Variants in FCHO1 observed in about 807,000 individuals in gnomAD.
The protein encoded by FCHO1 is FCH and mu domain containing endocytic adaptor 1, also known as F-BAR domain only protein 1.
A neutral mutation model predicts 114.4 loss-of-function variants in FCHO1; 45 were observed. The observed-to-expected ratio is 0.39, with a 90% CI of 0.31 to 0.50. FCHO1 has a LOEUF of 0.50. FCHO1 is among the 20% of genes least tolerant of loss of function. The pLI is 0.77. For missense variants in FCHO1, 1,042 were observed against 1,209.6 expected (o/e 0.86, Z 2.06); for synonymous variants, 480 against 488.9 (o/e 0.98, Z 0.24).
rs1299136121 is a variant in FCHO1, at chr19:17,774,241, C to T, written c.793C>T (p.Pro265Ser). The change falls in exon 12 of 29, where the codon CCT becomes TCT. Residue 265 changes from proline (P) to serine (S), a missense_variant and splice_region_variant. Around this residue, in one of 3 missense-constraint regions of FCHO1, gnomAD observed 450 missense variants for 564.1 expected, o/e 0.80. Transcript: ENST00000596536. ...TGAGTTTCCGTCTCCTGTCTCAGGA[C>T]CTCTGGACTTCGAGGCATACAGTGC... is the stretch of plus-strand genomic sequence containing the variant. ...SKGTGREKPGPLDFEAYSAAA... is the reference protein window; with the variant it reads ...SKGTGREKPGSLDFEAYSAAA... The T allele has an allele frequency of 5.0e-6, 8 of 1,613,942 alleles. No homozygotes were observed. The highest frequency in any genetic ancestry group is 2.2e-5 in the East Asian group (1 of 44,878).
chr19:17,758,357 G>T (rs2084629620), intron 4 of FCHO1, among the ~76,000 whole-genome samples: 1 of 152,198 alleles, frequency 6.6e-6, no homozygotes, highest in African/African-American at 2.4e-5. Context: ...ATGGGTGGAA[G>T]GAGATGCAAG....
At position 17,776,609 on chromosome 19, in the gene FCHO1, G is replaced by C; in HGVS notation, c.1208-26G>C. 6.2e-7 allele frequency: 1 copy of C among 1,613,610 alleles called. No individual in the cohort carries two copies. Among genetic ancestry groups the C allele is most frequent in the Non-Finnish European group, 8.5e-7 (1 of 1,179,654 alleles). ...AGCATTGCAGGCAGGGTGACAAGAAGGCTGAAGGAGGTGCATCTCTTGTAG... is the reference window on the plus strand; with the variant it reads ...AGCATTGCAGGCAGGGTGACAAGAACGCTGAAGGAGGTGCATCTCTTGTAG... On this transcript the variant is annotated intron_variant, in intron 17 of 28. Transcript: ENST00000596536. The surrounding 1 kb of genome is among the most constrained non-coding windows in gnomAD (Gnocchi z 4.4).
In FCHO1 at chr19:17,778,601, TC is replaced by T. The variant is rs2092959676; in HGVS notation, c.1352-4del. On this transcript the variant is annotated splice_region_variant and splice_polypyrimidine_tract_variant and intron_variant, in intron 19 of 28. Transcript: ENST00000596536. ...GGTCGGAGCTGACCGCCCGCTTCCC[TC>T]CCCAAGGCTCTAGCAGCCTGGGCTT... is the stretch of plus-strand genomic sequence containing the variant. 1.3e-6 allele frequency: 2 copies of T among 1,536,018 alleles called. No individual in the cohort carries two copies. Among genetic ancestry groups the T allele is most frequent in the South Asian group, 1.2e-5 (1 of 83,030 alleles).
intron 8 of FCHO1, 30 bp from the exon 9 acceptor site, chr19:17,770,762 C>T (rs2091271245): frequency 1.2e-6 from 2 of 1,611,098 alleles, no homozygotes; most frequent in African/African-American, 1.3e-5. Context: ...TATCGCCCTC[C>T]CATCCCCGTT....
upstream of FCHO1, among the ~76,000 whole-genome samples, chr19:17,748,310 GGA>G (rs1350765853): frequency 6.6e-6 from 1 of 152,162 alleles, no homozygotes; most frequent in Non-Finnish European, 1.5e-5. Flanking sequence ...GGTGGCTGGA[GGA>G]GCTGGGGTGT....
intron 7 of FCHO1, 115 bp downstream of exon 7, chr19:17,766,925 G>A (rs1025385155): frequency 3.5e-6 from 4 of 1,139,016 alleles, no homozygotes; most frequent in African/African-American, 1.6e-5. Flanking sequence ...CGAGAATTCC[G>A]TTAATTCCAC....
At chr19:17,761,063 A>C (rs535649601) in intron 4 of FCHO1, among the ~76,000 whole-genome samples, 1 of 152,188 alleles carries the variant, frequency 6.6e-6, no homozygotes, top group Non-Finnish European at 1.5e-5. Flanking sequence ...AAATTGGAGT[A>C]AAGAGATTTT....
rs2146942650 is a variant in FCHO1 at position 17,770,513 on chromosome 19, T to A, written c.425T>A (p.Leu142Gln). 1 of 1,613,940 alleles carries A rather than the reference T, an allele frequency of 6.2e-7. No individual in the cohort carries two copies. The highest frequency in any genetic ancestry group is 2.2e-5 in the East Asian group (1 of 44,888). Residue 142 changes from leucine to glutamine, a missense_variant, in exon 8 of 29, where the codon CTG (leucine) becomes CAG (glutamine). Coordinates refer to ENST00000596536, the MANE Select transcript of FCHO1 (RefSeq NM_015122.3). ...CTGCCCAAGTCCCGCGAGAACTACC[T>A]GAACCGTTGCATGGACCAGGAGCGG... The part of the protein sequence containing the change: ...QLLPKSRENY[L>Q]NRCMDQERLR...
upstream of FCHO1, among the ~76,000 whole-genome samples, chr19:17,749,075 C>T (rs1431760013): frequency 2.6e-5 from 4 of 152,114 alleles, no homozygotes; most frequent in African/African-American, 7.2e-5. Context: ...GGCATCGCCA[C>T]CCTGGTCTCA....
At chr19:17,751,130 G>A (rs575679110), upstream of FCHO1, among the ~76,000 whole-genome samples, 8 of 152,266 alleles carry the variant, frequency 5.3e-5, no homozygotes, top group South Asian at 4.1e-4. The surrounding 1 kb of genome is among the most constrained non-coding windows in gnomAD (Gnocchi z 4.4). Flanking sequence ...GTGAGCCACC[G>A]CGCCTGGCCA....
At chr19:17,756,673 C>T (rs553469770) in intron 4 of FCHO1, among the ~76,000 whole-genome samples, 18 of 152,314 alleles carry the variant, frequency 1.2e-4, no homozygotes, top group African/African-American at 4.1e-4. Context: ...GCACCCCACA[C>T]ACCCCCAGAC....
chr19:17,755,388 G>C, intron 4 of FCHO1, 197 bp downstream of exon 4: 1 of 554,754 alleles, frequency 1.8e-6, no homozygotes, highest in South Asian at 2.2e-5. Flanking sequence ...ACAACCTTGG[G>C]CAAGTCATAG....
chr19:17,763,563 CT>C (rs71162195), intron 5 of FCHO1, among the ~76,000 whole-genome samples: 26,047 of 113,466 alleles, frequency 0.23, 3,057 homozygotes, highest in Middle Eastern at 0.34. Context: ...TGCACTCTGC[CT>C]TTTTTTTTTT....
intron 5 of FCHO1, among the ~76,000 whole-genome samples, 158 bp downstream of exon 5, chr19:17,763,011 G>C (rs150403844): frequency 5.3e-5 from 8 of 152,110 alleles, no homozygotes; most frequent in Admixed American, 5.2e-4. Flanking sequence ...TCTCAACCCG[G>C]TCAGGCCCAT....
At chr19:17,761,722 G>A (rs1446944270) in intron 4 of FCHO1, among the ~76,000 whole-genome samples, 2 of 151,384 alleles carry the variant, frequency 1.3e-5, no homozygotes, top group African/African-American at 2.4e-5. Flanking sequence ...GTGCAATGGC[G>A]TGATCTCGGC....
At chr19:17,755,464 A>C (rs2083133878) in intron 4 of FCHO1, 3 of 329,784 alleles carry the variant, frequency 9.1e-6, no homozygotes, top group Non-Finnish European at 1.7e-5. Flanking sequence ...TGCCCCATGA[A>C]AAAGTGCAGA....
In FCHO1 at chr19:17,775,449, C is replaced by T. The variant is rs1414889712; in HGVS notation, c.946-7C>T. The T allele has an allele frequency of 1.9e-6, 3 of 1,613,624 alleles. No homozygotes were observed. Among genetic ancestry groups the T allele is most frequent in the South Asian group, 1.1e-5 (1 of 91,082 alleles). On this transcript the variant is annotated splice_region_variant and splice_polypyrimidine_tract_variant and intron_variant, in intron 14 of 28. Transcript: ENST00000596536. This position sits in a 1 kb window ranked among gnomAD's most constrained non-coding sequence, Gnocchi z 5.1. Reference sequence around the variant, plus strand: ...CCTGACTCACTGCTGCCCCCTGACTCCCCTAGACATGTCCAGAGGTGGATG... The same window carrying T: ...CCTGACTCACTGCTGCCCCCTGACTTCCCTAGACATGTCCAGAGGTGGATG...
rs371920854 is a variant in FCHO1, at chr19:17,783,933, C to T, written c.2094-170C>T. On this transcript the variant is annotated intron_variant, in intron 24 of 28. Coordinates refer to ENST00000596536, the MANE Select transcript of FCHO1 (RefSeq NM_015122.3). ...GGGCAAGTAACTTGCCCTCTCTGAC[C>T]CTTGTTTTCCATCCCTCCTTTACTG... Among the ~76,000 whole-genome samples the T allele has an allele frequency of 6.6e-5, 10 of 152,304 alleles. No individual in the cohort carries two copies. In the South Asian group the frequency reaches 1.0e-3, roughly 16 times the overall value.
At chr19:17,749,525 G>A (rs1214758288), upstream of FCHO1, among the ~76,000 whole-genome samples, 3 of 152,090 alleles carry the variant, frequency 2.0e-5, 1 homozygote, top group African/African-American at 7.2e-5. Context: ...TGGGAAAGTT[G>A]GGTACACAGT....
Sources: gnomAD v4.1 joint callset for allele counts (sites outside exome capture counted in the v4.1 genomes callset) on GRCh38, gnomAD v4.1.1 for gene constraint, gnomAD v4.1.1 regional missense constraint, Gnocchi (gnomAD v3.1) non-coding constraint, MANE v1.5 for transcripts, NCBI Gene and HGNC (gene_info 2026-07-23, HGNC 2026-07-21) for gene names.